Variants in XKR4 observed in about 807,000 individuals in gnomAD.
XKR4 encodes XK related 4.
A neutral mutation model predicts 53.9 loss-of-function variants in XKR4; 12 were observed. That is an observed-to-expected ratio of 0.22 (90% CI 0.14 to 0.36). XKR4 has a LOEUF of 0.36. Ranked by LOEUF, XKR4 falls within the 10% of genes least tolerant of loss-of-function variation. XKR4 has a pLI of 1.00. For synonymous variants in XKR4, 354 were observed against 362.4 expected (o/e 0.98, Z 0.26); for missense variants, 799 against 859.5 (o/e 0.93, Z 0.88).
chr8:55,118,214 C>T (rs973076747), intron 1 of XKR4, among the ~76,000 whole-genome samples: 1 of 152,124 alleles, frequency 6.6e-6, no homozygotes, highest in Non-Finnish European at 1.5e-5. Flanking sequence ...TCATTTGATA[C>T]CTACTGGTAA....
chr8:55,171,681 C>T (rs562446473), intron 1 of XKR4, among the ~76,000 whole-genome samples: 3 of 152,272 alleles, frequency 2.0e-5, no homozygotes, highest in South Asian at 2.1e-4. Context: ...GTTGGGCAGC[C>T]TGCCAACACT....
rs568814313 is a variant in XKR4, at chr8:55,326,019, C to A, written c.807-31659C>A. 5.3e-5 allele frequency among the ~76,000 whole-genome samples: 8 copies of A among 152,246 alleles called. No individual in the cohort carries two copies. The South Asian group carries it at 8.3e-4, about 16-fold the overall frequency. On this transcript the variant is annotated intron_variant, in intron 1 of 2. Transcript: ENST00000327381. ...GATAAGGATGAAGTATGGATTAAGC[C>A]AATTGTTTAGCCTGTGATTTTGAAT...
chr8:55,128,660 G>A (rs1816510902), intron 1 of XKR4, among the ~76,000 whole-genome samples: 2 of 152,126 alleles, frequency 1.3e-5, no homozygotes, highest in South Asian at 4.2e-4. Flanking sequence ...TAAACATGTC[G>A]GAAAAAAACA....
At chr8:55,289,565 G>GAGAGAGA (rs1818953582) in intron 1 of XKR4, among the ~76,000 whole-genome samples, 2 of 88,748 alleles carry the variant, frequency 2.3e-5, no homozygotes, top group African/African-American at 7.6e-5. Context: ...AGGAAGGAAG[G>GAGAGAGA]AAGGAGAGAG....
intron 1 of XKR4, among the ~76,000 whole-genome samples, chr8:55,137,521 A>G (rs960432315): frequency 6.6e-6 from 1 of 151,986 alleles, no homozygotes; most frequent in Non-Finnish European, 1.5e-5. Context: ...TGAATAACTT[A>G]TAACCCAAAG....
chr8:55,267,761 G>A (rs929012517), intron 1 of XKR4, among the ~76,000 whole-genome samples: 3 of 151,934 alleles, frequency 2.0e-5, no homozygotes, highest in African/African-American at 7.3e-5. Context: ...TTTGATAGAA[G>A]ATCCTCTGAT....
chr8:55,403,897 T>C (rs977209176), intron 2 of XKR4, among the ~76,000 whole-genome samples: 1 of 152,200 alleles, frequency 6.6e-6, no homozygotes, highest in African/African-American at 2.4e-5. Flanking sequence ...AAGTATCACA[T>C]CCCGGAAGCT....
intron 1 of XKR4, among the ~76,000 whole-genome samples, chr8:55,243,596 T>C (rs1818240738): frequency 2.0e-5 from 3 of 152,212 alleles, no homozygotes; most frequent in Admixed American, 6.5e-5. Context: ...AGGAACTCAA[T>C]TGCTGGGCCG....
intron 1 of XKR4, chr8:55,161,662 C>A (rs761788074): frequency 4.4e-6 from 2 of 455,746 alleles, no homozygotes; most frequent in African/African-American, 4.0e-5. Context: ...AATACTTGGA[C>A]GGTGTTTAGA....
intron 2 of XKR4, among the ~76,000 whole-genome samples, chr8:55,460,080 T>C (rs1805631180): frequency 6.7e-6 from 1 of 148,876 alleles, no homozygotes; most frequent in African/African-American, 2.5e-5. Flanking sequence ...TTTATACAAC[T>C]GGATACTATT....
intron 1 of XKR4, among the ~76,000 whole-genome samples, chr8:55,145,305 C>T (rs1255493622): frequency 1.3e-5 from 2 of 152,144 alleles, no homozygotes; most frequent in Non-Finnish European, 2.9e-5. Context: ...CTTGAATGCT[C>T]CTCTGACATT....
At chr8:55,458,980 C>T (rs529680605) in intron 2 of XKR4, among the ~76,000 whole-genome samples, 14 of 152,318 alleles carry the variant, frequency 9.2e-5, no homozygotes, top group African/African-American at 3.4e-4. Flanking sequence ...CCCTTTTCTA[C>T]CTAGTACCTC....
chr8:55,297,439 T>C (rs1819117468), intron 1 of XKR4, among the ~76,000 whole-genome samples: 1 of 152,224 alleles, frequency 6.6e-6, no homozygotes, highest in Admixed American at 6.5e-5. Context: ...CAATGGAGGT[T>C]GAAACAGGCA....
chr8:55,464,836 C>A (rs1003116468), intron 2 of XKR4, among the ~76,000 whole-genome samples: 3 of 152,120 alleles, frequency 2.0e-5, no homozygotes, highest in Admixed American at 6.5e-5. Context: ...TTCTTATACA[C>A]CAAAAACAGA....
chr8:55,271,290 T>G (rs1485264318), intron 1 of XKR4, among the ~76,000 whole-genome samples: 1 of 152,188 alleles, frequency 6.6e-6, no homozygotes, highest in African/African-American at 2.4e-5. Flanking sequence ...CATTAATTAA[T>G]AGTAAGCTAA....
At chr8:55,373,466 C>T in intron 2 of XKR4, among the ~76,000 whole-genome samples, 1 of 152,150 alleles carries the variant, frequency 6.6e-6, no homozygotes, top group East Asian at 1.9e-4. Flanking sequence ...CGCACCTGGC[C>T]AACACTCCAA....
At chr8:55,256,277 T>C (rs1315783271) in intron 1 of XKR4, among the ~76,000 whole-genome samples, 1 of 152,162 alleles carries the variant, frequency 6.6e-6, no homozygotes, top group East Asian at 1.9e-4. Flanking sequence ...TGAACTTTAT[T>C]CTGAACTTTC....
rs185514148 is a variant in XKR4, at chr8:55,463,153, C to A, written c.1007-60128C>A. 5.9e-3 allele frequency among the ~76,000 whole-genome samples: 902 copies of A among 152,240 alleles called. 9 individuals are homozygous for A. The highest frequency in any genetic ancestry group is 0.02 in the African/African-American group (841 of 41,542). The stretch of plus-strand genomic sequence containing the variant: ...ATAGACATCTACAGAACTCTCCACC[C>A]CAAATCAACAGAATATACATTCTTT... On this transcript the variant is annotated intron_variant, in intron 2 of 2. Coordinates refer to ENST00000327381, the MANE Select transcript of XKR4 (RefSeq NM_052898.2).
chr8:55,341,973 C>A (rs964736481), intron 1 of XKR4, among the ~76,000 whole-genome samples: 1 of 152,060 alleles, frequency 6.6e-6, no homozygotes, highest in Non-Finnish European at 1.5e-5. Context: ...CTAACATCTC[C>A]CAAATAATCC....
Sources: gnomAD v4.1 joint callset for allele counts (sites outside exome capture counted in the v4.1 genomes callset) on GRCh38, gnomAD v4.1.1 for gene constraint, MANE v1.5 for transcripts, NCBI Gene and HGNC (gene_info 2026-07-23, HGNC 2026-07-21) for gene names.